POU2F2: variants seen among roughly 807,000 people sequenced by gnomAD.
POU2F2 encodes the protein POU class 2 homeobox 2.
A neutral mutation model predicts 63.5 loss-of-function variants in POU2F2; 14 were observed. The ratio of observed to expected loss-of-function variants is 0.22; its 90% CI spans 0.15 to 0.34. The LOEUF is 0.34. POU2F2 is among the 10% of genes least tolerant of loss of function. The pLI, the probability that POU2F2 is intolerant of heterozygous loss-of-function variation, is 1.00. For synonymous variants in POU2F2, 306 were observed against 348.6 expected, an observed-to-expected ratio of 0.88 and a Z score of 1.36; for missense variants, 607 against 815.2, an observed-to-expected ratio of 0.74 and a Z score of 3.11.
rs142576058 is a variant in POU2F2 at position 42,191,219 on chromosome 19, G to T, written c.-70+5164C>A. ...ATCATCGGACCCCCCCTTGCTCTCT[G>T]ACTTCAAATTAGGTTCCTCCCTAAA... On this transcript the variant is annotated intron_variant, in intron 1 of 5. Transcript: ENST00000532176. 8.7e-3 allele frequency among the ~76,000 whole-genome samples: 1,331 copies of T among 152,164 alleles called. 16 individuals carry two copies. The highest frequency in any genetic ancestry group is 0.021 in the South Asian group (102 of 4,820).
upstream of POU2F2, chr19:42,136,564 C>T (rs1285233540): frequency 1.3e-5 from 2 of 152,222 alleles, no homozygotes; most frequent in African/African-American, 4.8e-5. Flanking sequence ...TGCTATCATC[C>T]TCATTTTACT....
rs555870131 is a variant in POU2F2, at chr19:42,153,442, G to A, written c.-9+6890C>T. ...TAATGGGGTAGCTATGTGTTCCCAT[G>A]TGCTCTGGGAAGCCTGTGTGTGTTG... On this transcript the variant is annotated intron_variant, in intron 2 of 6. Coordinates refer to the POU2F2 transcript ENST00000524801. This position sits in a 1 kb window ranked among gnomAD's most constrained non-coding sequence, Gnocchi z 5.6. 3.3e-5 allele frequency among the ~76,000 whole-genome samples: 5 copies of A among 152,154 alleles called. No individual in the cohort carries two copies. The highest frequency in any genetic ancestry group is 7.4e-5 in the Non-Finnish European group (5 of 68,014).
Position 42,091,184 on chromosome 19 carries a change from CCTCCTCGCCCTCTTCCCAGG to C in POU2F2, c.*53_*72del. 7.1e-7 allele frequency: 1 copy of C among 1,405,634 alleles called. No homozygotes were observed. Among genetic ancestry groups the C allele is most frequent in the Non-Finnish European group, 9.4e-7 (1 of 1,061,922 alleles). The allele number at this position is 1,405,634 out of a possible 1,614,324, so 87.1% of individuals were successfully genotyped here. A position where few individuals can be genotyped will look rare whatever the true frequency, so the allele number is the denominator to read the frequency against. On this transcript the variant is annotated 3_prime_UTR_variant, in exon 15 of 15. Transcript: ENST00000692977. ...GGACCCTCTGCGTCCCCACCACTGG[CCTCCTCGCCCTCTTCCCAGG>C]CAAGGGACCAAGGCAGGGACCAGAG...
At chr19:42,173,383 G>A (rs1452638793) in intron 1 of POU2F2, among the ~76,000 whole-genome samples, 2 of 152,092 alleles carry the variant, frequency 1.3e-5, no homozygotes, top group Non-Finnish European at 2.9e-5. Context: ...TACACATTAT[G>A]ATTATGCACC....
chr19:42,116,992 A>C (rs964934525), intron 5 of POU2F2: 1 of 618,430 alleles, frequency 1.6e-6, no homozygotes, highest in African/African-American at 1.8e-5. Flanking sequence ...CTGAGCTGGC[A>C]TCAGTGCCGT....
At chr19:42,160,554 A>C (rs969231700) in intron 1 of POU2F2, among the ~76,000 whole-genome samples, 4 of 152,198 alleles carry the variant, frequency 2.6e-5, no homozygotes, top group African/African-American at 7.2e-5. Context: ...CCAGTCAGCC[A>C]CTTGTTGCCT....
At chr19:42,107,711 T>C (rs1387152568) in intron 5 of POU2F2, among the ~76,000 whole-genome samples, 1 of 152,220 alleles carries the variant, frequency 6.6e-6, no homozygotes, top group African/African-American at 2.4e-5. Flanking sequence ...TCATGGACTC[T>C]GAATTCTATG....
intron 1 of POU2F2, among the ~76,000 whole-genome samples, chr19:42,188,600 G>A (rs1568428612): frequency 6.6e-6 from 1 of 150,560 alleles, no homozygotes; most frequent in Non-Finnish European, 1.5e-5. Flanking sequence ...GAACCCAGGA[G>A]GCGGAGGTTG....
intron 1 of POU2F2, among the ~76,000 whole-genome samples, chr19:42,192,559 A>G (rs1396783175): frequency 1.3e-5 from 2 of 152,158 alleles, no homozygotes; most frequent in Non-Finnish European, 2.9e-5. Context: ...ACCCTTGGTA[A>G]TAATAATTCT....
In POU2F2 at chr19:42,095,670, G is replaced by A; in HGVS notation, c.895C>T (p.Leu299=). 1 of 1,612,300 alleles carries A rather than the reference G, an allele frequency of 6.2e-7. No homozygotes were observed. The highest frequency in any genetic ancestry group is 8.5e-7 in the Non-Finnish European group (1 of 1,179,840). ...DAETMSVDSS[L]PSPNQLSSPS... ...CTGCTCAGCTGGTTGGGGCTGGGCA[G>A]GCTTGAGTCCACAGACATAGTCTCT... Residue 299 remains leucine (L), a synonymous_variant, in exon 10 of 15, where the codon CTG becomes TTG. Transcript: ENST00000692977. The surrounding 1 kb of genome is among the most constrained non-coding windows in gnomAD (Gnocchi z 7.1).
intron 1 of POU2F2, among the ~76,000 whole-genome samples, chr19:42,166,480 C>G (rs979573298): frequency 6.6e-6 from 1 of 152,128 alleles, no homozygotes; most frequent in Non-Finnish European, 1.5e-5. Flanking sequence ...CTTATTTTGC[C>G]AACAAGGAAA....
At position 42,181,937 on chromosome 19, in the gene POU2F2, G is replaced by A. The variant is rs180887050; in HGVS notation, c.-70+14446C>T. ...TTGTTCATTAATGAAACATTTGTTC[G>A]CGCATCTGTGGCCATGTGTGTGCGT... On this transcript the variant is annotated intron_variant, in intron 1 of 5. Coordinates refer to the POU2F2 transcript ENST00000532176. Among the ~76,000 whole-genome samples the A allele has an allele frequency of 3.5e-3, 537 of 152,204 alleles. 5 individuals carry two copies. The highest frequency in any genetic ancestry group is 0.012 in the African/African-American group (499 of 41,530).
chr19:42,108,660 G>A (rs960882456), intron 5 of POU2F2, among the ~76,000 whole-genome samples: 10 of 152,178 alleles, frequency 6.6e-5, no homozygotes, highest in Admixed American at 6.5e-4. Flanking sequence ...TCAGGACTAG[G>A]GTAAGCCGGT....
rs1376557700 is a variant in POU2F2, at chr19:42,095,487, C to T, written c.1021-25G>A. 7 of 1,607,354 alleles carry T rather than the reference C, an allele frequency of 4.4e-6. No individual in the cohort carries two copies. In the Admixed American group the frequency reaches 5.0e-5, roughly 12 times the overall value. On this transcript the variant is annotated intron_variant, in intron 10 of 14. Coordinates refer to ENST00000692977, the MANE Select transcript of POU2F2 (RefSeq NM_001394376.1). This position sits in a 1 kb window ranked among gnomAD's most constrained non-coding sequence, Gnocchi z 7.1. ...TCTGCAGGCAGAGGGCTCGTTAGCCCGAGGCCCACCGCCCGCCACCCCTCA... is the reference window on the plus strand; with the variant it reads ...TCTGCAGGCAGAGGGCTCGTTAGCCTGAGGCCCACCGCCCGCCACCCCTCA...
At position 42,092,987 on chromosome 19, in the gene POU2F2, G is replaced by GTATATATA. The variant is rs56158047; in HGVS notation, c.1265-725_1265-718dup. The stretch of plus-strand genomic sequence containing the variant: ...ATGCATATATATATTATGTGTGTGT[G>GTATATATA]TATATATATATATATATATATATTT... On this transcript the variant is annotated intron_variant, in intron 12 of 14. Transcript: ENST00000692977. The surrounding 1 kb of genome is among the most constrained non-coding windows in gnomAD (Gnocchi z 5.0). 3.2e-4 allele frequency among the ~76,000 whole-genome samples: 30 copies of GTATATATA among 92,904 alleles called. No individual in the cohort carries two copies. Among genetic ancestry groups the GTATATATA allele is most frequent in the African/African-American group, 1.5e-3 (29 of 19,594 alleles). The allele number at this position is 92,904 out of a possible 152,430, so 60.9% of individuals were successfully genotyped here.
chr19:42,152,289 CGAA>C lies in POU2F2; in HGVS notation c.-9+8040_-9+8042del, dbSNP rs1482091712. Among the ~76,000 whole-genome samples, 23 of 152,062 alleles carry C rather than the reference CGAA, an allele frequency of 1.5e-4. No individual in the cohort carries two copies. In the East Asian group the frequency reaches 2.7e-3, roughly 18 times the overall value. On this transcript the variant is annotated intron_variant, in intron 2 of 6. Transcript: ENST00000524801. The surrounding 1 kb of genome is among the most constrained non-coding windows in gnomAD (Gnocchi z 4.1). The stretch of plus-strand genomic sequence containing the variant: ...GTGACTCTCGGGGAGAGGGCCGCAG[CGAA>C]GAAGAAGAGGGGGAGAATAAGGCGG...
At chr19:42,091,713 C>G in intron 14 of POU2F2, 122 bp from the exon 15 acceptor site, 1 of 1,551,336 alleles carries the variant, frequency 6.4e-7, no homozygotes, top group Non-Finnish European at 8.7e-7. Flanking sequence ...CCCATCAGCA[C>G]CCCTCACACC....
chr19:42,112,329 G>A (rs2031235833), intron 5 of POU2F2, among the ~76,000 whole-genome samples: 2 of 152,146 alleles, frequency 1.3e-5, no homozygotes, highest in Non-Finnish European at 2.9e-5. Context: ...CCTTCTCTGG[G>A]GTCGAGGGCA....
At chr19:42,129,353 G>T (rs1017711357) in intron 1 of POU2F2, among the ~76,000 whole-genome samples, 13 of 151,958 alleles carry the variant, frequency 8.6e-5, no homozygotes, top group African/African-American at 3.1e-4. Flanking sequence ...CCTTCCTCAG[G>T]TCAGACACCC....
Sources: allele counts gnomAD v4.1 joint callset (sites outside exome capture counted in the v4.1 genomes callset), GRCh38; gene constraint gnomAD v4.1.1; non-coding constraint Gnocchi (gnomAD v3.1); transcripts MANE v1.5; gene names NCBI Gene and HGNC (gene_info 2026-07-23, HGNC 2026-07-21).